SNTG2: variants seen among roughly 807,000 people sequenced by gnomAD.
SNTG2 encodes the protein syntrophin gamma 2, also known as gamma-2-syntrophin.
Under a neutral mutation model 70.9 loss-of-function variants are expected in SNTG2, and 74 were observed. That is an observed-to-expected ratio of 1.04 (90% CI 0.86 to 1.27). The LOEUF is 1.27. SNTG2 is among the 50% of genes most tolerant of loss of function. The pLI is 0.00. For missense variants in SNTG2, 717 were observed against 690.7 expected (o/e 1.04, Z -0.43); for synonymous variants, 278 against 273.8 (o/e 1.02, Z -0.15).
At chr2:1,033,564 G>A (rs542497512) in intron 1 of SNTG2, among the ~76,000 whole-genome samples, 6 of 152,018 alleles carry the variant, frequency 3.9e-5, no homozygotes, top group Admixed American at 1.3e-4. Context: ...TCTTCCCAGC[G>A]TTCAGATACT....
intron 1 of SNTG2, among the ~76,000 whole-genome samples, chr2:973,310 A>C (rs149903336): frequency 6.6e-6 from 1 of 152,100 alleles, no homozygotes; most frequent in African/African-American, 2.4e-5. Flanking sequence ...ACATTTTATG[A>C]AAGTTATTTT....
intron 1 of SNTG2, among the ~76,000 whole-genome samples, chr2:1,068,914 A>T (rs1441174594): frequency 6.6e-6 from 1 of 152,230 alleles, no homozygotes; most frequent in Admixed American, 6.5e-5. Flanking sequence ...TGTCTTTGCC[A>T]TGGTAGGGCC....
chr2:1,302,233 A>G (rs1323295475), intron 14 of SNTG2, among the ~76,000 whole-genome samples: 1 of 152,168 alleles, frequency 6.6e-6, no homozygotes, highest in Non-Finnish European at 1.5e-5. Context: ...TGCTGGGATT[A>G]CAGGTGTGAG....
intron 8 of SNTG2, among the ~76,000 whole-genome samples, chr2:1,206,754 A>G (rs1408307165): frequency 6.6e-6 from 1 of 152,180 alleles, no homozygotes; most frequent in Non-Finnish European, 1.5e-5. Flanking sequence ...GGGTTTTCTC[A>G]GTGGGGAATT....
chr2:1,196,351 T>G (rs1672907779), intron 8 of SNTG2, among the ~76,000 whole-genome samples: 1 of 152,116 alleles, frequency 6.6e-6, no homozygotes, highest in Admixed American at 6.5e-5. Context: ...TAAAAAAGAA[T>G]GAAGAAAACC....
At chr2:1,095,114 G>C (rs970438816) in intron 2 of SNTG2, among the ~76,000 whole-genome samples, 1 of 152,172 alleles carries the variant, frequency 6.6e-6, no homozygotes, top group African/African-American at 2.4e-5. Context: ...GAGAGAGAGC[G>C]CTGTATCTGC....
At chr2:1,020,748 A>G (rs1184579106) in intron 1 of SNTG2, among the ~76,000 whole-genome samples, 1 of 152,198 alleles carries the variant, frequency 6.6e-6, no homozygotes, top group Non-Finnish European at 1.5e-5. Context: ...TGTCTGCCAC[A>G]TCAGGAAGTC....
chr2:1,071,222 C>T (rs553030128), intron 1 of SNTG2, among the ~76,000 whole-genome samples: 1 of 151,468 alleles, frequency 6.6e-6, no homozygotes, highest in Non-Finnish European at 1.5e-5. Context: ...TGCGGCATTA[C>T]TCACAATAGC....
intron 1 of SNTG2, among the ~76,000 whole-genome samples, chr2:1,030,723 CATGTT>C (rs1660767709): frequency 6.6e-6 from 1 of 152,180 alleles, no homozygotes; most frequent in Non-Finnish European, 1.5e-5. Flanking sequence ...ATGTTGGCAA[CATGTT>C]ATGTGTATTA....
intron 16 of SNTG2, among the ~76,000 whole-genome samples, chr2:1,358,426 A>G (rs1430562001): frequency 6.7e-6 from 1 of 148,686 alleles, no homozygotes; most frequent in African/African-American, 2.5e-5. Flanking sequence ...TTTCTTATCT[A>G]GTTTCTTAAG....
At chr2:1,338,912 CTATT>C (rs1659948632) in intron 16 of SNTG2, among the ~76,000 whole-genome samples, 1 of 152,182 alleles carries the variant, frequency 6.6e-6, no homozygotes, top group Non-Finnish European at 1.5e-5. Flanking sequence ...TATCATAACT[CTATT>C]TAACTTTCTT....
intron 4 of SNTG2, among the ~76,000 whole-genome samples, chr2:1,103,233 A>G (rs1339463832): frequency 6.6e-6 from 1 of 152,184 alleles, no homozygotes; most frequent in Non-Finnish European, 1.5e-5. Context: ...GGGGAGATCT[A>G]TAATTATTTT....
At chr2:1,226,712 C>G (rs187289433) in intron 9 of SNTG2, among the ~76,000 whole-genome samples, 2 of 152,266 alleles carry the variant, frequency 1.3e-5, no homozygotes, top group East Asian at 3.9e-4. Context: ...AACCGCAAGT[C>G]TCTTATGCAA....
chr2:1,159,712 A>G, intron 6 of SNTG2, among the ~76,000 whole-genome samples: 1 of 152,216 alleles, frequency 6.6e-6, no homozygotes, highest in East Asian at 1.9e-4. Context: ...AAAAAAAGAA[A>G]GAAATAATAA....
chr2:1,320,810 G>A (rs373778525), intron 16 of SNTG2, among the ~76,000 whole-genome samples: 6 of 152,094 alleles, frequency 3.9e-5, no homozygotes, highest in Admixed American at 1.3e-4. Context: ...ATAGCTTGGC[G>A]CTCACTGCAC....
intron 1 of SNTG2, among the ~76,000 whole-genome samples, chr2:1,021,426 T>C (rs1320022281): frequency 6.6e-6 from 1 of 152,184 alleles, no homozygotes; most frequent in Non-Finnish European, 1.5e-5. Context: ...CAAGGAGATA[T>C]ATTGCTTTTT....
intron 1 of SNTG2, among the ~76,000 whole-genome samples, chr2:1,002,865 T>A (rs1456287461): frequency 1.3e-5 from 2 of 151,454 alleles, no homozygotes; most frequent in Non-Finnish European, 2.9e-5. Flanking sequence ...AATGAATGAA[T>A]GACTAGGTAA....
chr2:1,150,076 C>G (rs1669381267), intron 6 of SNTG2, among the ~76,000 whole-genome samples: 1 of 152,186 alleles, frequency 6.6e-6, no homozygotes, highest in Non-Finnish European at 1.5e-5. Flanking sequence ...TTCACAATCA[C>G]AGATCTCTGA....
intron 9 of SNTG2, among the ~76,000 whole-genome samples, chr2:1,222,545 G>T (rs990574412): frequency 3.7e-5 from 4 of 107,428 alleles, no homozygotes; most frequent in African/African-American, 1.6e-4. Flanking sequence ...GTGCTGGATC[G>T]CTGTAGAGGA....
Sources: allele counts gnomAD v4.1 joint callset (sites outside exome capture counted in the v4.1 genomes callset), GRCh38; gene constraint gnomAD v4.1.1; transcripts MANE v1.5; gene names NCBI Gene and HGNC (gene_info 2026-07-23, HGNC 2026-07-21).